SSH2: variants seen among roughly 807,000 people sequenced by gnomAD.
SSH2 encodes the protein protein phosphatase Slingshot homolog 2.
A neutral mutation model predicts 135.2 loss-of-function variants in SSH2; 37 were observed. That is an observed-to-expected ratio of 0.27 (90% CI 0.21 to 0.36). The LOEUF is 0.36. Among genes scored for constraint, SSH2 ranks in the 10% least tolerant of loss-of-function variants. SSH2 has a pLI of 1.00. For synonymous variants in SSH2, 628 were observed against 646.2 expected (o/e 0.97, Z 0.43); for missense variants, 1,408 against 1,765.3 (o/e 0.80, Z 3.63).
At position 29,666,954 on chromosome 17, in the gene SSH2, C is replaced by T. The variant is rs142617847; in HGVS notation, c.945G>A (p.Arg315=). The T allele has an allele frequency of 5.0e-6, 8 of 1,614,032 alleles. No homozygotes were observed. The Admixed American group carries it at 6.7e-5, about 13-fold the overall frequency. The part of the protein sequence containing the change: ...ELEMQMVCNL[R]EFKEFIDNEM... ...CATTGTCTATAAATTCCTTGAATTC[C>T]CGCAAGTTGCACACCATTTGCATTT... Residue 315 remains arginine, a synonymous_variant, in exon 11 of 16, where the codon CGG becomes CGA. Transcript: ENST00000540801.
intron 1 of SSH2, among the ~76,000 whole-genome samples, chr17:29,909,500 G>T (rs2066726183): frequency 6.6e-6 from 1 of 152,154 alleles, no homozygotes; most frequent in African/African-American, 2.4e-5. Flanking sequence ...AGGTAAGGGA[G>T]ACTGCTCAAT....
chr17:29,791,152 C>T (rs2042058463), intron 3 of SSH2, among the ~76,000 whole-genome samples: 1 of 152,126 alleles, frequency 6.6e-6, no homozygotes, highest in African/African-American at 2.4e-5. Context: ...GTGGCTTGAT[C>T]TCGGCTCACT....
intron 1 of SSH2, among the ~76,000 whole-genome samples, chr17:29,897,409 T>C (rs1439743288): frequency 1.3e-5 from 2 of 152,046 alleles, no homozygotes; most frequent in Non-Finnish European, 1.5e-5. Flanking sequence ...GAGACACACA[T>C]GGACTCAAAA....
intron 3 of SSH2, among the ~76,000 whole-genome samples, chr17:29,792,647 GATAATA>G (rs1022952710): frequency 2.0e-5 from 3 of 151,990 alleles, no homozygotes; most frequent in African/African-American, 4.8e-5. Context: ...ACAAACACCT[GATAATA>G]ATAATAATAA....
intron 15 of SSH2, among the ~76,000 whole-genome samples, chr17:29,634,831 G>A (rs1395596083): frequency 1.3e-5 from 2 of 152,096 alleles, no homozygotes; most frequent in African/African-American, 2.4e-5. Context: ...GATTACAGGC[G>A]TGAGCCACTG....
chr17:29,917,929 C>T lies in SSH2; in HGVS notation c.63+12009G>A, dbSNP rs139930315. On this transcript the variant is annotated intron_variant, in intron 1 of 15. Transcript: ENST00000540801. ...TGCATATGGCTCATGCCTGTAATCC[C>T]GGCACTTTGGGAGGCTGAGGTGGGA... Among the ~76,000 whole-genome samples, 7 of 152,162 alleles carry T rather than the reference C, an allele frequency of 4.6e-5. No individual in the cohort carries two copies. The East Asian group carries it at 5.8e-4, about 13-fold the overall frequency.
intron 11 of SSH2, among the ~76,000 whole-genome samples, chr17:29,662,468 T>C (rs898597487): frequency 6.6e-6 from 1 of 152,226 alleles, no homozygotes; most frequent in Admixed American, 6.5e-5. Context: ...ATAAGCTGTT[T>C]ATTAACTTTT....
At chr17:29,908,252 G>A (rs1371069625) in intron 1 of SSH2, among the ~76,000 whole-genome samples, 1 of 151,942 alleles carries the variant, frequency 6.6e-6, no homozygotes, top group African/African-American at 2.4e-5. Context: ...AAGAGTTCAA[G>A]ACCAGCCTGG....
intron 2 of SSH2, among the ~76,000 whole-genome samples, chr17:29,819,121 G>T (rs757896929): frequency 2.0e-5 from 3 of 152,020 alleles, no homozygotes; most frequent in Non-Finnish European, 4.4e-5. Flanking sequence ...AGCTACTTGG[G>T]AGGCTGAGGC....
chr17:29,639,245 A>G (rs1309167479), intron 14 of SSH2, among the ~76,000 whole-genome samples: 1 of 152,068 alleles, frequency 6.6e-6, no homozygotes, highest in Non-Finnish European at 1.5e-5. Flanking sequence ...ACACACTCTT[A>G]AACAGTTCCC....
intron 3 of SSH2, among the ~76,000 whole-genome samples, chr17:29,767,629 G>GCGCA (rs1555630549): frequency 1.4e-5 from 2 of 147,510 alleles, no homozygotes; most frequent in Non-Finnish European, 3.0e-5. Context: ...GCACACACAC[G>GCGCA]CACACACACA....
At chr17:29,694,471 C>G (rs1037411509) in intron 5 of SSH2, among the ~76,000 whole-genome samples, 33 of 152,258 alleles carry the variant, frequency 2.2e-4, no homozygotes, top group African/African-American at 7.9e-4. Flanking sequence ...GAGTTCGAGA[C>G]CAGCCTGTCC....
intron 6 of SSH2, among the ~76,000 whole-genome samples, chr17:29,681,369 T>C (rs1376334655): frequency 2.0e-5 from 3 of 148,194 alleles, no homozygotes; most frequent in Non-Finnish European, 4.5e-5. Context: ...AAAAGTAGCT[T>C]TTTCACGCAA....
At chr17:29,754,307 T>G (rs947144709) in intron 3 of SSH2, among the ~76,000 whole-genome samples, 2 of 152,154 alleles carry the variant, frequency 1.3e-5, no homozygotes, top group Non-Finnish European at 2.9e-5. Context: ...AAGCTTAAGT[T>G]TGGAGATAAG....
At chr17:29,685,011 T>C (rs2038154420) in intron 5 of SSH2, among the ~76,000 whole-genome samples, 1 of 152,164 alleles carries the variant, frequency 6.6e-6, no homozygotes, top group African/African-American at 2.4e-5. Flanking sequence ...ATTACCACAG[T>C]GTGTAATAAA....
chr17:29,651,547 A>G (rs923174490), intron 12 of SSH2, among the ~76,000 whole-genome samples: 2 of 152,194 alleles, frequency 1.3e-5, no homozygotes, highest in African/African-American at 4.8e-5. Context: ...TCCATTTACC[A>G]AATATTATCT....
At chr17:29,906,848 TAA>T (rs1056766593) in intron 1 of SSH2, among the ~76,000 whole-genome samples, 35 of 152,268 alleles carry the variant, frequency 2.3e-4, no homozygotes, top group African/African-American at 8.2e-4. Context: ...TAGCTATTGT[TAA>T]AAAGTCAAAA....
At chr17:29,694,035 T>C (rs914669499) in intron 5 of SSH2, among the ~76,000 whole-genome samples, 2 of 152,322 alleles carry the variant, frequency 1.3e-5, no homozygotes, top group Non-Finnish European at 2.9e-5. Flanking sequence ...AAGATGGCTT[T>C]CAATGTGGCC....
At chr17:29,749,684 C>T (rs958670731) in intron 3 of SSH2, among the ~76,000 whole-genome samples, 2 of 152,120 alleles carry the variant, frequency 1.3e-5, no homozygotes, top group African/African-American at 4.8e-5. Flanking sequence ...ACTTTATAAA[C>T]ACCATACACT....
Sources: gnomAD v4.1 joint callset for allele counts (sites outside exome capture counted in the v4.1 genomes callset) on GRCh38, gnomAD v4.1.1 for gene constraint, MANE v1.5 for transcripts, NCBI Gene and HGNC (gene_info 2026-07-23, HGNC 2026-07-21) for gene names.